ZFYVE9: variants seen among roughly 807,000 people sequenced by gnomAD.
ZFYVE9 encodes zinc finger FYVE domain-containing protein 9.
ZFYVE9 carries 43 observed loss-of-function variants against 126.7 expected under a neutral mutation model. That is an observed-to-expected ratio of 0.34 (90% CI 0.27 to 0.44). The LOEUF (loss-of-function observed/expected upper bound fraction) is 0.44. Ranked by LOEUF, ZFYVE9 falls within the 20% of genes least tolerant of loss-of-function variation. ZFYVE9 has a pLI of 1.00. For missense variants in ZFYVE9, 1,476 were observed against 1,697.0 expected (o/e 0.87, Z 2.29); for synonymous variants, 521 against 597.4 (o/e 0.87, Z 1.87).
At chr1:52,278,879 C>T (rs987634470) in intron 9 of ZFYVE9, among the ~76,000 whole-genome samples, 3 of 151,526 alleles carry the variant, frequency 2.0e-5, no homozygotes, top group African/African-American at 4.8e-5. Flanking sequence ...AACAGGTGCC[C>T]GCCACCACGC....
At chr1:52,316,601 G>T (rs977253125) in intron 13 of ZFYVE9, among the ~76,000 whole-genome samples, 1 of 151,764 alleles carries the variant, frequency 6.6e-6, no homozygotes, top group Non-Finnish European at 1.5e-5. Flanking sequence ...CAGGGATAAA[G>T]AAATACATAC....
At chr1:52,275,608 T>G (rs547967356) in intron 8 of ZFYVE9, among the ~76,000 whole-genome samples, 1 of 152,306 alleles carries the variant, frequency 6.6e-6, no homozygotes, top group East Asian at 1.9e-4. Context: ...GATATCTCAT[T>G]GTGGTTTTGA....
At chr1:52,252,818 C>G (rs1569590116) in intron 4 of ZFYVE9, 1 of 337,740 alleles carries the variant, frequency 3.0e-6, no homozygotes, top group Admixed American at 3.6e-5. Context: ...CATCCCAGCC[C>G]AGAGGTTGCG....
chr1:52,338,874 G>A (rs2147875369), intron 16 of ZFYVE9, among the ~76,000 whole-genome samples: 1 of 152,252 alleles, frequency 6.6e-6, no homozygotes, highest in South Asian at 2.1e-4. Context: ...AGCTGGGCGT[G>A]GTGGTACATG....
intron 1 of ZFYVE9, among the ~76,000 whole-genome samples, chr1:52,190,508 G>A (rs1644806899): frequency 6.6e-6 from 1 of 152,172 alleles, no homozygotes; most frequent in South Asian, 2.1e-4. Context: ...ATAAAACAAT[G>A]TTTCTGTCTC....
At chr1:52,168,813 G>A (rs1644537909) in intron 1 of ZFYVE9, among the ~76,000 whole-genome samples, 1 of 152,120 alleles carries the variant, frequency 6.6e-6, no homozygotes, top group Non-Finnish European at 1.5e-5. Flanking sequence ...ACCACGCCTA[G>A]CCAGATTAGA....
intron 1 of ZFYVE9, among the ~76,000 whole-genome samples, chr1:52,156,686 G>T (rs1644405819): frequency 6.6e-6 from 1 of 152,086 alleles, no homozygotes; most frequent in African/African-American, 2.4e-5. Flanking sequence ...CTTTGGCCAG[G>T]ACTCCATTTA....
chr1:52,215,961 T>A (rs1264299658), intron 1 of ZFYVE9, among the ~76,000 whole-genome samples: 1 of 152,138 alleles, frequency 6.6e-6, no homozygotes, highest in Non-Finnish European at 1.5e-5. Context: ...ATTCTACATG[T>A]ATAGAAAAAA....
chr1:52,293,434 T>A lies in ZFYVE9; in HGVS notation c.3026-19T>A. 18 of 1,311,418 alleles carry A rather than the reference T, an allele frequency of 1.4e-5. No homozygotes were observed. Among genetic ancestry groups the A allele is most frequent in the Non-Finnish European group, 1.5e-5 (14 of 928,018 alleles). The allele number at this position is 1,311,418 out of a possible 1,614,324, so 81.2% of individuals were successfully genotyped here. ...TAATTTATTGATACAAAGTAGCTAATAAACTTTTTTGTTTTTAGGGAATGT... is the reference window on the plus strand; with the variant it reads ...TAATTTATTGATACAAAGTAGCTAAAAAACTTTTTTGTTTTTAGGGAATGT... On this transcript the variant is annotated intron_variant, in intron 10 of 18. Transcript: ENST00000287727.
rs142369102 is a variant in ZFYVE9 at position 52,220,850 on chromosome 1, G to A, written c.-37+4376G>A. 5.9e-3 allele frequency among the ~76,000 whole-genome samples: 899 copies of A among 152,300 alleles called. 4 individuals carry two copies. Among genetic ancestry groups the A allele is most frequent in the Middle Eastern group, 0.014 (4 of 294 alleles). ...ACAAAGGGATAGATGGAAAATGGGT[G>A]CCTTTTCAGAAGAGGCAGCTTGCTT... On this transcript the variant is annotated intron_variant, in intron 2 of 18. Transcript: ENST00000287727.
At chr1:52,255,323 C>T (rs1029154299) in intron 4 of ZFYVE9, among the ~76,000 whole-genome samples, 8 of 152,066 alleles carry the variant, frequency 5.3e-5, no homozygotes, top group Non-Finnish European at 4.4e-5. Flanking sequence ...GTGGGTCATG[C>T]CTGTAATCCC....
At chr1:52,226,570 T>G (rs1313815932) in intron 2 of ZFYVE9, among the ~76,000 whole-genome samples, 1 of 152,130 alleles carries the variant, frequency 6.6e-6, no homozygotes, top group Non-Finnish European at 1.5e-5. Context: ...GGGCTACTTT[T>G]CATTAAAAAG....
intron 2 of ZFYVE9, among the ~76,000 whole-genome samples, chr1:52,227,278 C>T (rs918531448): frequency 6.6e-6 from 1 of 152,234 alleles, no homozygotes; most frequent in African/African-American, 2.4e-5. Flanking sequence ...AGCTATTTCT[C>T]CTCCTTTAGC....
rs1327613741 is a variant in ZFYVE9 at position 52,303,881 on chromosome 1, G to A, written c.3394G>A (p.Val1132Ile). ...TCAAGGTTTGGTGGTTGATATGGAA[G>A]TTCGGAAAACTAGCATCAAAATTCC... is the stretch of plus-strand genomic sequence containing the variant. ...VVQGLVVDME[V>I]RKTSIKIPSN... Residue 1132 changes from valine to isoleucine, a missense_variant, in exon 13 of 19, where the codon GTT becomes ATT. Physicochemically the swap from Val to Ile is conservative, Grantham distance 29 (BLOSUM62 3). Around this residue, in one of 2 missense-constraint regions of ZFYVE9, gnomAD observed 669 missense variants for 902.4 expected, o/e 0.74. Coordinates refer to ENST00000287727, the MANE Select transcript of ZFYVE9 (RefSeq NM_004799.4). 1 of 1,600,208 alleles carries A rather than the reference G, an allele frequency of 6.2e-7. No individual in the cohort carries two copies. The highest frequency in any genetic ancestry group is 1.7e-5 in the Admixed American group (1 of 58,194).
chr1:52,157,604 A>C (rs947095280), intron 1 of ZFYVE9, among the ~76,000 whole-genome samples: 1 of 151,342 alleles, frequency 6.6e-6, no homozygotes, highest in Non-Finnish European at 1.5e-5. Context: ...GGTTTTCACT[A>C]TGTTGGCCAG....
At chr1:52,217,010 C>T (rs1025860559) in intron 2 of ZFYVE9, among the ~76,000 whole-genome samples, 3 of 151,702 alleles carry the variant, frequency 2.0e-5, no homozygotes, top group African/African-American at 7.3e-5. Context: ...GGGTGTGAAC[C>T]CCCAATATCT....
intron 10 of ZFYVE9, among the ~76,000 whole-genome samples, chr1:52,291,087 G>T (rs1393532039): frequency 6.6e-6 from 1 of 152,144 alleles, no homozygotes; most frequent in Non-Finnish European, 1.5e-5. Context: ...CATAGATCTG[G>T]CCTAGCAGCT....
chr1:52,185,013 T>C (rs1644751949), intron 1 of ZFYVE9, among the ~76,000 whole-genome samples: 1 of 152,182 alleles, frequency 6.6e-6, no homozygotes, highest in Non-Finnish European at 1.5e-5. Flanking sequence ...AAAAAAAGAA[T>C]TGATAAAATG....
chr1:52,306,593 T>C (rs542289891), intron 13 of ZFYVE9, among the ~76,000 whole-genome samples: 11 of 152,312 alleles, frequency 7.2e-5, no homozygotes, highest in African/African-American at 2.6e-4. Context: ...ACATGCCCCT[T>C]GCTTGCCACA....
Sources: gnomAD v4.1 joint callset for allele counts (sites outside exome capture counted in the v4.1 genomes callset) on GRCh38, gnomAD v4.1.1 for gene constraint, gnomAD v4.1.1 regional missense constraint, MANE v1.5 for transcripts, NCBI Gene and HGNC (gene_info 2026-07-23, HGNC 2026-07-21) for gene names.